Variants in MRE11 observed in about 807,000 individuals in gnomAD.
MRE11 encodes the protein double-strand break repair protein MRE11.
Under a neutral mutation model 91.7 loss-of-function variants are expected in MRE11, and 62 were observed. That is an observed-to-expected ratio of 0.68 (90% CI 0.55 to 0.84). The LOEUF (loss-of-function observed/expected upper bound fraction) is 0.84, where lower values mean the gene tolerates loss of function less well. Ranked by LOEUF, MRE11 falls within the 40% of genes least tolerant of loss-of-function variation. The probability of loss-of-function intolerance (pLI) is 0.00; values close to 1 mark genes in which losing one functional copy is unlikely to be tolerated. For missense variants in MRE11, 796 were observed against 852.9 expected, an observed-to-expected ratio of 0.93 and a Z score of 0.83; for synonymous variants, 273 against 271.4, an observed-to-expected ratio of 1.01 and a Z score of -0.06.
Position 94,472,685 on chromosome 11 carries a change from C to A in MRE11, c.660-926G>T, listed in dbSNP as rs1157400555. 2.0e-5 allele frequency among the ~76,000 whole-genome samples: 3 copies of A among 152,036 alleles called. No homozygotes were observed. In the East Asian group the frequency reaches 5.8e-4, roughly 29 times the overall value. On this transcript the variant is annotated intron_variant, in intron 7 of 19. Coordinates refer to ENST00000323929, the MANE Select transcript of MRE11 (RefSeq NM_005591.4). ...CTTAACACAAACTTTGTTTCATGCA[C>A]AAAATTATTTTAAAACATGTATAAA...
At chr11:94,441,315 T>C (rs909319610) in intron 16 of MRE11, among the ~76,000 whole-genome samples, 2 of 152,196 alleles carry the variant, frequency 1.3e-5, no homozygotes, top group South Asian at 2.1e-4. Flanking sequence ...CAAGTACGTA[T>C]CAAATGACTG....
chr11:94,420,251 T>C (rs189056920), intron 19 of MRE11, 70 bp from the exon 20 acceptor site: 4 of 1,268,518 alleles, frequency 3.2e-6, no homozygotes, highest in African/African-American at 2.9e-5. Context: ...GAAGTTCTTA[T>C]GGGCAAAACA....
chr11:94,467,491 A>C (rs1356711006), intron 10 of MRE11, among the ~76,000 whole-genome samples: 2 of 152,172 alleles, frequency 1.3e-5, no homozygotes, highest in African/African-American at 4.8e-5. Context: ...AGCACATCCC[A>C]CATGCCCAAG....
At chr11:94,506,800 G>C in the MRE11 span, among the ~76,000 whole-genome samples, 6 of 151,974 alleles carry the variant, frequency 3.9e-5, no homozygotes, top group Non-Finnish European at 1.5e-5. Context: ...ATGTTGACCA[G>C]GCTGGTTTTA....
chr11:94,508,731 T>C, the MRE11 span, among the ~76,000 whole-genome samples: 1 of 152,132 alleles, frequency 6.6e-6, no homozygotes, highest in Non-Finnish European at 1.5e-5. Context: ...TTTTCAAAGT[T>C]GTTTTGACCA....
chr11:94,448,422 C>CAA (rs373884127), intron 14 of MRE11, among the ~76,000 whole-genome samples: 3 of 144,360 alleles, frequency 2.1e-5, no homozygotes, highest in African/African-American at 5.0e-5. Context: ...ACCAAAAATA[C>CAA]AAAAAAAAAA....
chr11:94,489,886 C>T (rs1227518363), intron 3 of MRE11, among the ~76,000 whole-genome samples: 1 of 152,104 alleles, frequency 6.6e-6, no homozygotes, highest in Admixed American at 6.6e-5. Flanking sequence ...CCTTATCTAC[C>T]TATTTCTATT....
At chr11:94,478,614 G>T in intron 6 of MRE11, 121 bp downstream of exon 6, 1 of 1,123,332 alleles carries the variant, frequency 8.9e-7, no homozygotes, top group Non-Finnish European at 1.3e-6. Context: ...ATTTTTTATA[G>T]TCACCAATAA....
intron 18 of MRE11, among the ~76,000 whole-genome samples, chr11:94,432,947 T>A (rs1464770121): frequency 6.6e-6 from 1 of 152,270 alleles, no homozygotes; most frequent in Non-Finnish European, 1.5e-5. Context: ...AGTGGAACTT[T>A]TAATTATATG....
intron 12 of MRE11, 119 bp downstream of exon 12, chr11:94,460,817 T>C (rs893064763): frequency 1.1e-4 from 89 of 836,644 alleles, no homozygotes; most frequent in Middle Eastern, 7.7e-4. Flanking sequence ...TCACCCTACT[T>C]ACTTCATAGA....
chr11:94,509,976 A>G, the MRE11 span, among the ~76,000 whole-genome samples: 2 of 152,158 alleles, frequency 1.3e-5, no homozygotes, highest in African/African-American at 4.8e-5. Flanking sequence ...ATATTGACCT[A>G]TAATTTTCCT....
At chr11:94,479,806 C>G (rs1216037423) in intron 4 of MRE11, 45 bp from the exon 5 acceptor site, 1 of 1,497,280 alleles carries the variant, frequency 6.7e-7, no homozygotes, top group Middle Eastern at 1.8e-4. Flanking sequence ...GGGACAAAAG[C>G]TGTTTTCCCT....
rs587782756 is a variant in MRE11 at position 94,435,854 on chromosome 11, T to G, written c.1972A>C (p.Thr658Pro). 1 of 1,613,808 alleles carries G rather than the reference T, an allele frequency of 6.2e-7. No homozygotes were observed. The highest frequency in any genetic ancestry group is 1.1e-5 in the South Asian group (1 of 91,080). Reference protein sequence around the residue: ...ESDVEEDIFPTTSKTDQRWSS... With the variant: ...ESDVEEDIFPPTSKTDQRWSS... ...TACCTTTGATCTGTCTTTGAAGTGG[T>G]AGGAAAAATGTCTTCTTCCACATCT... is the stretch of plus-strand genomic sequence containing the variant. Residue 658 changes from threonine (T) to proline (P), a missense_variant, in exon 18 of 20, where the codon ACC becomes CCC. Physicochemically the swap from Thr to Pro is conservative, Grantham distance 38. Coordinates refer to ENST00000323929, the MANE Select transcript of MRE11 (RefSeq NM_005591.4).
chr11:94,478,234 C>T (rs1457383378), intron 6 of MRE11, among the ~76,000 whole-genome samples: 2 of 152,120 alleles, frequency 1.3e-5, no homozygotes, highest in Non-Finnish European at 2.9e-5. Flanking sequence ...TCCCTAATAA[C>T]ACTGCAGTGA....
intron 19 of MRE11, among the ~76,000 whole-genome samples, chr11:94,428,109 G>A (rs1213107454): frequency 1.3e-5 from 2 of 152,092 alleles, no homozygotes; most frequent in Non-Finnish European, 2.9e-5. Flanking sequence ...AAAGAACAAA[G>A]CCAGAAGTAT....
intron 16 of MRE11, among the ~76,000 whole-genome samples, chr11:94,440,629 T>C (rs1372512490): frequency 6.6e-6 from 1 of 152,216 alleles, no homozygotes; most frequent in Non-Finnish European, 1.5e-5. Flanking sequence ...AGCCCACGGC[T>C]GCCCAAAGTG....
chr11:94,467,842 G>A lies in MRE11; in HGVS notation c.1069C>T (p.Gln357Ter), dbSNP rs1287311961. The A allele has an allele frequency of 6.2e-7, 1 of 1,613,494 alleles. No individual in the cohort carries two copies. The highest frequency in any genetic ancestry group is 1.1e-5 in the South Asian group (1 of 91,070). ...AGTCGTACAAGAGGCTTCTCTGGCT[G>A]GTGAGAATTACCCAGACGTTCCCGT... ...AERERLGNSH[Q>*]PEKPLVRLRV... is the part of the protein sequence containing the mutation. The change falls in exon 10 of 20, where the codon CAG (glutamine) becomes TAG (stop). Residue 357 changes from glutamine to a stop codon, truncating the protein, a stop_gained. Coordinates refer to ENST00000323929, the MANE Select transcript of MRE11 (RefSeq NM_005591.4). LOFTEE classifies it high-confidence loss of function.
intron 18 of MRE11, among the ~76,000 whole-genome samples, 190 bp from the exon 19 acceptor site, chr11:94,430,176 G>A (rs995583833): frequency 4.6e-5 from 7 of 152,114 alleles, no homozygotes; most frequent in Non-Finnish European, 1.0e-4. Flanking sequence ...TTTGAACTCT[G>A]GTTTTGCCCT....
At chr11:94,470,760 T>A (rs1946688562) in intron 8 of MRE11, 118 bp from the exon 9 acceptor site, 1 of 1,025,080 alleles carries the variant, frequency 9.8e-7, no homozygotes, top group Non-Finnish European at 1.5e-6. Flanking sequence ...ATCATACTCT[T>A]AAAAATAAAT....
Sources: gnomAD v4.1 joint callset for allele counts (sites outside exome capture counted in the v4.1 genomes callset) on GRCh38, gnomAD v4.1.1 for gene constraint, MANE v1.5 for transcripts, NCBI Gene and HGNC (gene_info 2026-07-23, HGNC 2026-07-21) for gene names.